The following HS3ST4 variants were observed in gnomAD, a reference collection of about 807,000 sequenced individuals.
HS3ST4 encodes heparan sulfate-glucosamine 3-sulfotransferase 4.
HS3ST4 carries 17 observed loss-of-function variants against 29.2 expected under a neutral mutation model. The ratio of observed to expected loss-of-function variants is 0.58; its 90% CI spans 0.40 to 0.87. The LOEUF (loss-of-function observed/expected upper bound fraction) is 0.87. HS3ST4 is among the 40% of genes least tolerant of loss of function. HS3ST4 has a pLI of 0.00. For synonymous variants in HS3ST4, 314 were observed against 285.7 expected, an observed-to-expected ratio of 1.10 and a Z score of -1.00; for missense variants, 627 against 634.5, an observed-to-expected ratio of 0.99 and a Z score of 0.13.
At chr16:26,003,399 G>T (rs1188153046) in intron 1 of HS3ST4, among the ~76,000 whole-genome samples, 1 of 152,114 alleles carries the variant, frequency 6.6e-6, no homozygotes, top group Non-Finnish European at 1.5e-5. Context: ...TTTTCTCCAG[G>T]GATAATGAGT....
In HS3ST4 at chr16:25,974,291, C is replaced by T. The variant is rs572452301; in HGVS notation, c.735-161321C>T. 1.1e-4 allele frequency among the ~76,000 whole-genome samples: 17 copies of T among 152,256 alleles called. 1 individual carries two copies. In the South Asian group the frequency reaches 3.3e-3, roughly 30 times the overall value. On this transcript the variant is annotated intron_variant, in intron 1 of 1. Coordinates refer to ENST00000331351, the MANE Select transcript of HS3ST4 (RefSeq NM_006040.3). ...TCATCAGAAAGCCCTCCATAGTCTC[C>T]AGGATCATTTGTCTCTGAAGCTATT...
At chr16:25,984,379 C>T (rs867736274) in intron 1 of HS3ST4, among the ~76,000 whole-genome samples, 12 of 152,162 alleles carry the variant, frequency 7.9e-5, no homozygotes, top group African/African-American at 2.9e-4. Context: ...CAACAGGGTC[C>T]ATGCTCCTAT....
intron 1 of HS3ST4, among the ~76,000 whole-genome samples, chr16:25,828,867 T>C (rs145209861): frequency 1.7e-3 from 252 of 152,336 alleles, no homozygotes; most frequent in Non-Finnish European, 3.1e-3. Flanking sequence ...TTAAACTTAC[T>C]TGAGCATTAG....
chr16:25,852,443 G>A (rs1398180724), intron 1 of HS3ST4, among the ~76,000 whole-genome samples: 3 of 152,018 alleles, frequency 2.0e-5, no homozygotes, highest in Non-Finnish European at 2.9e-5. Context: ...GCCATGCTTT[G>A]AGATTTAAAT....
intron 1 of HS3ST4, among the ~76,000 whole-genome samples, chr16:25,931,906 T>G (rs534458637): frequency 3.0e-3 from 457 of 151,490 alleles, no homozygotes; most frequent in African/African-American, 0.011. Flanking sequence ...GCCTCACTGC[T>G]TCCAAAAGGC....
intron 1 of HS3ST4, among the ~76,000 whole-genome samples, chr16:26,093,047 A>G (rs141158909): frequency 6.6e-6 from 1 of 152,178 alleles, no homozygotes; most frequent in Non-Finnish European, 1.5e-5. Flanking sequence ...AGGGGTGTCC[A>G]TCATTGCTGA....
chr16:26,072,897 T>A (rs1898617711), intron 1 of HS3ST4, among the ~76,000 whole-genome samples: 1 of 152,228 alleles, frequency 6.6e-6, no homozygotes, highest in Non-Finnish European at 1.5e-5. Flanking sequence ...TTGTTCATGT[T>A]GAGCCAAAAG....
chr16:26,111,223 T>G (rs1448211335), intron 1 of HS3ST4, among the ~76,000 whole-genome samples: 1 of 151,392 alleles, frequency 6.6e-6, no homozygotes, highest in Non-Finnish European at 1.5e-5. Flanking sequence ...AGACTACAGG[T>G]GTATACCAGC....
At chr16:25,919,884 A>G (rs1269847958) in intron 1 of HS3ST4, among the ~76,000 whole-genome samples, 1 of 150,824 alleles carries the variant, frequency 6.6e-6, no homozygotes, top group African/African-American at 2.4e-5. Flanking sequence ...GGAGGAGAGG[A>G]ATCAAAATCA....
chr16:25,768,236 G>A (rs1466359744), intron 1 of HS3ST4, among the ~76,000 whole-genome samples: 6 of 152,094 alleles, frequency 3.9e-5, no homozygotes, highest in Admixed American at 6.6e-5. Flanking sequence ...CAATATGTAC[G>A]TACACACACA....
At chr16:25,918,390 C>T (rs1968313557) in intron 1 of HS3ST4, among the ~76,000 whole-genome samples, 2 of 152,082 alleles carry the variant, frequency 1.3e-5, no homozygotes, top group Non-Finnish European at 2.9e-5. Context: ...AGGTCTCAAG[C>T]GATGAATACT....
chr16:25,781,270 T>C (rs571527229), intron 1 of HS3ST4, among the ~76,000 whole-genome samples: 8 of 152,170 alleles, frequency 5.3e-5, no homozygotes, highest in Non-Finnish European at 1.2e-4. Context: ...AGGTTTAAAG[T>C]AGGCTCTTTT....
intron 1 of HS3ST4, among the ~76,000 whole-genome samples, chr16:25,933,630 T>G (rs969093286): frequency 1.3e-5 from 2 of 152,228 alleles, no homozygotes; most frequent in African/African-American, 4.8e-5. Context: ...AAGGAATATC[T>G]GAGACTGGTA....
chr16:25,809,265 A>G (rs1338924457), intron 1 of HS3ST4, among the ~76,000 whole-genome samples: 1 of 151,974 alleles, frequency 6.6e-6, no homozygotes, highest in Non-Finnish European at 1.5e-5. Context: ...ATTTAGTTAC[A>G]CTCTATTCCT....
At chr16:26,033,029 T>C (rs1237870257) in intron 1 of HS3ST4, among the ~76,000 whole-genome samples, 1 of 152,108 alleles carries the variant, frequency 6.6e-6, no homozygotes, top group South Asian at 2.1e-4. Flanking sequence ...GGAGGGTATA[T>C]ACGAGGTGGG....
At chr16:25,775,086 T>C (rs539393209) in intron 1 of HS3ST4, among the ~76,000 whole-genome samples, 1 of 152,342 alleles carries the variant, frequency 6.6e-6, no homozygotes, top group South Asian at 2.1e-4. Flanking sequence ...GTATAGTTCG[T>C]GAACTGGCAG....
chr16:26,025,720 G>A (rs750093175), intron 1 of HS3ST4, among the ~76,000 whole-genome samples: 10 of 152,174 alleles, frequency 6.6e-5, no homozygotes, highest in Non-Finnish European at 1.3e-4. Flanking sequence ...AGGGAATTCA[G>A]TTTACCAAGG....
chr16:25,941,668 C>T (rs147884393), intron 1 of HS3ST4, among the ~76,000 whole-genome samples: 1,523 of 152,186 alleles, frequency 0.01, 19 homozygotes, highest in African/African-American at 0.03. Context: ...GCTCTGCCTC[C>T]GGGGTTTACG....
At chr16:25,783,835 C>T (rs73511295) in intron 1 of HS3ST4, among the ~76,000 whole-genome samples, 1,581 of 152,200 alleles carry the variant, frequency 0.01, 31 homozygotes, top group African/African-American at 0.035. Context: ...ATTTCTTAAA[C>T]GCTTTAAGTT....
Sources: gnomAD v4.1 joint callset for allele counts (sites outside exome capture counted in the v4.1 genomes callset) on GRCh38, gnomAD v4.1.1 for gene constraint, MANE v1.5 for transcripts, NCBI Gene and HGNC (gene_info 2026-07-23, HGNC 2026-07-21) for gene names.